The following RELCH variants were observed in gnomAD, a reference collection of about 807,000 sequenced individuals.
RELCH encodes RAB11-binding protein RELCH.
A neutral mutation model predicts 150.3 loss-of-function variants in RELCH; 41 were observed. The ratio of observed to expected loss-of-function variants is 0.27; its 90% confidence interval spans 0.21 to 0.35. The LOEUF is 0.35. Among genes scored for constraint, RELCH ranks in the 10% least tolerant of loss-of-function variants. The pLI is 1.00. For missense variants in RELCH, 1,092 were observed against 1,467.8 expected, an observed-to-expected ratio of 0.74 and a Z score of 4.18; for synonymous variants, 478 against 531.8, an observed-to-expected ratio of 0.90 and a Z score of 1.39.
chr18:62,242,221 G>A lies in RELCH; in HGVS notation c.1621-2543G>A, dbSNP rs958165414. The stretch of plus-strand genomic sequence containing the variant: ...TATTGGCAGTGACTTCCCATATGTT[G>A]TTAATTTGCCAGCAAGAAATAAAAG... On this transcript the variant is annotated intron_variant, in intron 10 of 28. Coordinates refer to ENST00000644646, the MANE Select transcript of RELCH (RefSeq NM_001346231.2). 2.0e-5 allele frequency among the ~76,000 whole-genome samples: 3 copies of A among 152,270 alleles called. No individual in the cohort carries two copies. The South Asian group carries it at 6.2e-4, about 32-fold the overall frequency.
At chr18:62,240,739 C>T (rs948938918) in intron 10 of RELCH, among the ~76,000 whole-genome samples, 1 of 152,012 alleles carries the variant, frequency 6.6e-6, no homozygotes, top group Non-Finnish European at 1.5e-5. Context: ...TTAAATATTT[C>T]ACTTCAATAC....
rs2148499490 is a variant in RELCH at position 62,244,836 on chromosome 18, A to G, written c.1693A>G (p.Ile565Val). 1 of 1,613,470 alleles carries G rather than the reference A, an allele frequency of 6.2e-7. No individual in the cohort carries two copies. Among genetic ancestry groups the G allele is most frequent in the Non-Finnish European group, 8.5e-7 (1 of 1,179,510 alleles). ...EPKERDQLLH[I>V]LFNLIKRPDD... Reference sequence around the variant, plus strand: ...TAAAGAGCGAGATCAGCTTCTCCACATACTTTTCAATTTGATCAAGAGGCC... The same window carrying G: ...TAAAGAGCGAGATCAGCTTCTCCACGTACTTTTCAATTTGATCAAGAGGCC... The change falls in exon 11 of 29, where the codon ATA (isoleucine) becomes GTA (valine). Residue 565 changes from isoleucine to valine, a missense_variant. Transcript: ENST00000644646.
At chr18:62,296,692 C>T (rs976729098) in intron 27 of RELCH, among the ~76,000 whole-genome samples, 3 of 151,934 alleles carry the variant, frequency 2.0e-5, no homozygotes, top group Admixed American at 2.0e-4. Flanking sequence ...GAGGAAGTTT[C>T]CTTCTATTCC....
rs538493342 is a variant in RELCH, at chr18:62,198,444, A to G, written c.526+10413A>G. 4.6e-5 allele frequency among the ~76,000 whole-genome samples: 7 copies of G among 152,304 alleles called. No homozygotes were observed. In the South Asian group the frequency reaches 1.5e-3, roughly 32 times the overall value. On this transcript the variant is annotated intron_variant, in intron 1 of 28. Coordinates refer to ENST00000644646, the MANE Select transcript of RELCH (RefSeq NM_001346231.2). ...AGCCTTCTTCCAGATTTTCTCACCT[A>G]TTATGTCAAAAATCCTCAGCCGTCA...
chr18:62,286,856 G>A (rs545336415), intron 25 of RELCH, among the ~76,000 whole-genome samples: 1 of 152,264 alleles, frequency 6.6e-6, no homozygotes, highest in African/African-American at 2.4e-5. Context: ...AGTGCTGTTT[G>A]ACATTGGTCT....
At chr18:62,200,964 C>CTTTTTTTTTTTTT (rs543882947) in intron 1 of RELCH, among the ~76,000 whole-genome samples, 9 of 54,990 alleles carry the variant, frequency 1.6e-4, no homozygotes, top group Non-Finnish European at 2.2e-4. Context: ...TTTTTCTTTG[C>CTTTTTTTTTTTTT]TTTTTTTTTT....
chr18:62,232,684 T>C (rs2041652418), intron 10 of RELCH, among the ~76,000 whole-genome samples: 2 of 152,114 alleles, frequency 1.3e-5, no homozygotes, highest in African/African-American at 4.8e-5. Context: ...TAACTATTAC[T>C]GTAGGTCCAT....
chr18:62,261,849 T>C (rs950533195), intron 16 of RELCH, among the ~76,000 whole-genome samples, 191 bp downstream of exon 16: 2 of 152,076 alleles, frequency 1.3e-5, no homozygotes, highest in Non-Finnish European at 2.9e-5. Context: ...CTTTTATGGA[T>C]AAGCCCCATT....
At position 62,236,128 on chromosome 18, in the gene RELCH, T is replaced by G. The variant is rs549143267; in HGVS notation, c.1620+3701T>G. ...CTTTGTCATATTAAAGAAGTTTCCT[T>G]TTATCCCTAGTTTGCTAAATATTCT... On this transcript the variant is annotated intron_variant, in intron 10 of 28. Coordinates refer to ENST00000644646, the MANE Select transcript of RELCH (RefSeq NM_001346231.2). Among the ~76,000 whole-genome samples the G allele has an allele frequency of 2.6e-5, 4 of 152,122 alleles. No homozygotes were observed. In the South Asian group the frequency reaches 8.3e-4, roughly 32 times the overall value.
intron 27 of RELCH, among the ~76,000 whole-genome samples, chr18:62,298,123 G>A (rs555915375): frequency 2.2e-3 from 326 of 147,978 alleles, no homozygotes; most frequent in African/African-American, 7.8e-3. Context: ...TACCTAGCCC[G>A]TAGTAGGTAG....
intron 1 of RELCH, among the ~76,000 whole-genome samples, 178 bp from the exon 2 acceptor site, chr18:62,210,973 TAG>T (rs2040124545): frequency 1.3e-5 from 2 of 152,210 alleles, no homozygotes; most frequent in African/African-American, 4.8e-5. Flanking sequence ...CAGGGAAACT[TAG>T]TTAAAGTAAC....
intron 1 of RELCH, among the ~76,000 whole-genome samples, chr18:62,208,471 A>G (rs780843610): frequency 6.6e-6 from 1 of 152,112 alleles, no homozygotes; most frequent in Non-Finnish European, 1.5e-5. Context: ...GTCATAGCTC[A>G]GAAGAACGCA....
chr18:62,205,546 T>C (rs1373109796), intron 1 of RELCH, among the ~76,000 whole-genome samples: 4 of 152,254 alleles, frequency 2.6e-5, no homozygotes, highest in Non-Finnish European at 5.9e-5. Context: ...CACATGTCAG[T>C]ATTTTATTTT....
chr18:62,197,713 A>C (rs939856586), intron 1 of RELCH, among the ~76,000 whole-genome samples: 21 of 152,236 alleles, frequency 1.4e-4, no homozygotes, highest in African/African-American at 5.1e-4. Context: ...AGATTCAGCA[A>C]AAGATAGCGG....
At chr18:62,197,514 G>C (rs1168199345) in intron 1 of RELCH, among the ~76,000 whole-genome samples, 1 of 152,044 alleles carries the variant, frequency 6.6e-6, no homozygotes, top group African/African-American at 2.4e-5. Flanking sequence ...ACTTATATCT[G>C]AATTACAAAT....
intron 27 of RELCH, among the ~76,000 whole-genome samples, chr18:62,298,456 C>A (rs931294251): frequency 5.3e-5 from 8 of 151,952 alleles, no homozygotes; most frequent in Admixed American, 5.2e-4. Context: ...ATGTGTGTGA[C>A]CATAGTGTGT....
At chr18:62,191,747 G>T (rs1381927516) in intron 1 of RELCH, among the ~76,000 whole-genome samples, 2 of 152,166 alleles carry the variant, frequency 1.3e-5, no homozygotes, top group Non-Finnish European at 2.9e-5. Flanking sequence ...TGGCTGCATA[G>T]TATTCCATGG....
At position 62,228,364 on chromosome 18, in the gene RELCH, A is replaced by T. The variant is rs1356047394; in HGVS notation, c.1214A>T (p.Gln405Leu). ...FAIPAVCDSVQPPLDQLPHKD... is the reference protein window; with the variant it reads ...FAIPAVCDSVLPPLDQLPHKD... Reference sequence around the variant, plus strand: ...ATCCCAGCAGTTTGTGACTCTGTTCAGCCTCCTTTGGATCAGTTGCCCCAC... The same window carrying T: ...ATCCCAGCAGTTTGTGACTCTGTTCTGCCTCCTTTGGATCAGTTGCCCCAC... The change falls in exon 8 of 29, where the codon CAG (glutamine) becomes CTG (leucine). Residue 405 changes from glutamine (Q) to leucine (L), a missense_variant. By Grantham distance (113) the Gln-to-Leu change is moderately radical. Coordinates refer to ENST00000644646, the MANE Select transcript of RELCH (RefSeq NM_001346231.2). 6.2e-7 allele frequency: 1 copy of T among 1,613,350 alleles called. No individual in the cohort carries two copies. The highest frequency in any genetic ancestry group is 1.7e-5 in the Admixed American group (1 of 59,900).
At chr18:62,214,924 C>T (rs1489061738) in intron 2 of RELCH, among the ~76,000 whole-genome samples, 1 of 152,168 alleles carries the variant, frequency 6.6e-6, no homozygotes, top group Non-Finnish European at 1.5e-5. Context: ...ATAGGAGGGA[C>T]AGCCTGAAAG....
Sources: gnomAD v4.1 joint callset for allele counts (sites outside exome capture counted in the v4.1 genomes callset) on GRCh38, gnomAD v4.1.1 for gene constraint, MANE v1.5 for transcripts, NCBI Gene and HGNC (gene_info 2026-07-23, HGNC 2026-07-21) for gene names.